Variants in LRRIQ1 observed in about 807,000 individuals in gnomAD.
The protein encoded by LRRIQ1 is leucine rich repeats and IQ motif containing 1, also known as leucine-rich repeat- and IQ domain-containing protein 1.
LRRIQ1 carries 210 observed loss-of-function variants against 211.9 expected under a neutral mutation model. The observed-to-expected ratio is 0.99, with a 90% CI of 0.89 to 1.11. The LOEUF (loss-of-function observed/expected upper bound fraction) is 1.11. Ranked by LOEUF, LRRIQ1 falls within the 50% of genes most tolerant of loss-of-function variation. LRRIQ1 has a pLI of 0.00. For missense variants in LRRIQ1, 2,136 were observed against 1,939.5 expected (o/e 1.10, Z -1.90); for synonymous variants, 699 against 650.1 (o/e 1.08, Z -1.14).
intron 11 of LRRIQ1, among the ~76,000 whole-genome samples, chr12:85,094,660 G>T (rs906382324): frequency 3.3e-5 from 5 of 151,710 alleles, no homozygotes; most frequent in Non-Finnish European, 7.4e-5. Context: ...AAATGATGTT[G>T]GTAGTTTGGT....
chr12:85,169,255 GA>G (rs1565881656), intron 24 of LRRIQ1, among the ~76,000 whole-genome samples: 1 of 152,124 alleles, frequency 6.6e-6, no homozygotes, highest in Non-Finnish European at 1.5e-5. Context: ...TTTTTTGCAT[GA>G]TTTTTTTTAT....
intron 24 of LRRIQ1, among the ~76,000 whole-genome samples, chr12:85,167,833 C>A (rs117989925): frequency 0.01 from 1,571 of 152,280 alleles, 12 homozygotes; most frequent in Non-Finnish European, 0.015. Context: ...CCTGACATCA[C>A]ACATAATCTT....
chr12:85,173,036 G>A (rs1399394831), intron 24 of LRRIQ1, among the ~76,000 whole-genome samples: 1 of 152,084 alleles, frequency 6.6e-6, no homozygotes, highest in East Asian at 1.9e-4. Flanking sequence ...TTGAACCTGG[G>A]AGGCAGAGGT....
intron 19 of LRRIQ1, among the ~76,000 whole-genome samples, chr12:85,145,532 G>C (rs1217005260): frequency 6.6e-6 from 1 of 151,688 alleles, no homozygotes; most frequent in Non-Finnish European, 1.5e-5. Flanking sequence ...TTAGGATGCT[G>C]ATAGAAGGAA....
At chr12:85,198,021 T>C (rs34479695) in intron 24 of LRRIQ1, among the ~76,000 whole-genome samples, 2 of 62,146 alleles carry the variant, frequency 3.2e-5, no homozygotes, top group African/African-American at 6.2e-5. Context: ...TATATTATAT[T>C]ATTATATATA....
downstream of LRRIQ1, among the ~76,000 whole-genome samples, chr12:85,246,102 T>G (rs1895705736): frequency 6.6e-6 from 1 of 151,214 alleles, no homozygotes; most frequent in Admixed American, 6.6e-5. Context: ...TAATTTACTT[T>G]TGAAATAATA....
chr12:85,203,967 A>G (rs1404596826), intron 24 of LRRIQ1, among the ~76,000 whole-genome samples: 3 of 152,094 alleles, frequency 2.0e-5, no homozygotes, highest in Admixed American at 1.3e-4. Context: ...CATGTCAGAG[A>G]TCTTCACGAC....
chr12:85,067,947 C>T (rs1293226833), intron 10 of LRRIQ1, among the ~76,000 whole-genome samples: 2 of 151,904 alleles, frequency 1.3e-5, no homozygotes, highest in South Asian at 4.1e-4. Flanking sequence ...CTCTTATCAC[C>T]CAACTTCCCT....
At chr12:85,117,571 A>T (rs903249485) in intron 15 of LRRIQ1, among the ~76,000 whole-genome samples, 1 of 152,180 alleles carries the variant, frequency 6.6e-6, no homozygotes, top group Non-Finnish European at 1.5e-5. Context: ...TCCACTCTAG[A>T]GATCAAGGTG....
In LRRIQ1 at chr12:85,132,487, G is replaced by A. The variant is rs547166507; in HGVS notation, c.4209+4454G>A. On this transcript the variant is annotated intron_variant, in intron 18 of 26. Coordinates refer to ENST00000393217, the MANE Select transcript of LRRIQ1 (RefSeq NM_001079910.2). ...AAATACCCAGATATGAAAATCTAAG[G>A]CTGGGCCTGGTGGAGCACTCCTGTA... 4.9e-4 allele frequency among the ~76,000 whole-genome samples: 75 copies of A among 152,188 alleles called. 1 individual carries two copies. The highest frequency in any genetic ancestry group is 1.6e-3 in the African/African-American group (68 of 41,548).
chr12:85,231,261 A>G (rs1593002937), intron 25 of LRRIQ1, among the ~76,000 whole-genome samples: 1 of 152,300 alleles, frequency 6.6e-6, no homozygotes, highest in Non-Finnish European at 1.5e-5. Context: ...TATGTGATCA[A>G]TTATATCCAT....
intron 26 of LRRIQ1, among the ~76,000 whole-genome samples, chr12:85,233,491 A>G (rs139282067): frequency 6.6e-6 from 1 of 152,250 alleles, no homozygotes; most frequent in East Asian, 1.9e-4. Flanking sequence ...CCCCTTGCTC[A>G]GATTCTGCAT....
intron 24 of LRRIQ1, among the ~76,000 whole-genome samples, chr12:85,174,215 T>C (rs115901405): frequency 0.012 from 1,775 of 151,894 alleles, 27 homozygotes; most frequent in African/African-American, 0.04. Flanking sequence ...TGAGATGCTA[T>C]AATAAGAAAG....
At chr12:85,132,036 A>G (rs1888799918) in intron 18 of LRRIQ1, among the ~76,000 whole-genome samples, 1 of 152,080 alleles carries the variant, frequency 6.6e-6, no homozygotes, top group Non-Finnish European at 1.5e-5. Context: ...TCTGTGTGAC[A>G]CACCAGAAAA....
At chr12:85,212,195 G>C (rs1377605933) in intron 24 of LRRIQ1, among the ~76,000 whole-genome samples, 7 of 152,094 alleles carry the variant, frequency 4.6e-5, no homozygotes, top group Non-Finnish European at 1.0e-4. Flanking sequence ...TGAGGTGGGA[G>C]AATCACCTGA....
At chr12:85,164,553 CTTG>C (rs1891057200) in intron 24 of LRRIQ1, among the ~76,000 whole-genome samples, 2 of 152,164 alleles carry the variant, frequency 1.3e-5, no homozygotes, top group African/African-American at 4.8e-5. Flanking sequence ...GGCATCCCTT[CTTG>C]TTCTTGTTTA....
intron 1 of LRRIQ1, among the ~76,000 whole-genome samples, chr12:85,256,154 A>G (rs538403716): frequency 6.6e-6 from 1 of 151,652 alleles, no homozygotes; most frequent in Non-Finnish European, 1.5e-5. Context: ...AGTTGACATT[A>G]TCGAGAAAAA....
intron 8 of LRRIQ1, 107 bp from the exon 9 acceptor site, chr12:85,065,154 TA>T: frequency 1.1e-6 from 1 of 895,484 alleles, no homozygotes; most frequent in South Asian, 2.2e-5. Flanking sequence ...CAACATATAG[TA>T]TTACTTTTCT....
intron 1 of LRRIQ1, among the ~76,000 whole-genome samples, chr12:85,036,649 C>T (rs1181689648): frequency 6.6e-6 from 1 of 152,088 alleles, no homozygotes; most frequent in African/African-American, 2.4e-5. Flanking sequence ...TGGTTACTCA[C>T]TCACCGCTCC....
Sources: allele counts gnomAD v4.1 joint callset (sites outside exome capture counted in the v4.1 genomes callset), GRCh38; gene constraint gnomAD v4.1.1; transcripts MANE v1.5; gene names NCBI Gene and HGNC (gene_info 2026-07-23, HGNC 2026-07-21).